BABAM2: variants seen among roughly 807,000 people sequenced by gnomAD.
BABAM2 encodes the protein BRISC and BRCA1 A complex member 2, also known as BRISC and BRCA1-A complex member 2.
A neutral mutation model predicts 54.7 loss-of-function variants in BABAM2; 31 were observed. The observed-to-expected ratio is 0.57, with a 90% CI of 0.43 to 0.77. BABAM2 has a LOEUF of 0.77. Among genes scored for constraint, BABAM2 ranks in the 30% least tolerant of loss-of-function variants. BABAM2 has a pLI of 0.00. For missense variants in BABAM2, 364 were observed against 455.8 expected (o/e 0.80, Z 1.83); for synonymous variants, 167 against 162.9 (o/e 1.03, Z -0.19).
At chr2:28,028,134 C>T (rs1202054157) in intron 5 of BABAM2, among the ~76,000 whole-genome samples, 3 of 151,926 alleles carry the variant, frequency 2.0e-5, no homozygotes, top group South Asian at 2.1e-4. Flanking sequence ...TAATAGTTGG[C>T]GTAGTTCAGT....
chr2:27,942,866 G>A (rs887808419), intron 3 of BABAM2, among the ~76,000 whole-genome samples: 1 of 151,508 alleles, frequency 6.6e-6, no homozygotes, highest in African/African-American at 2.4e-5. Flanking sequence ...AGCCTGGAGT[G>A]CATTATAGCT....
At chr2:27,974,264 G>T (rs1323301109) in intron 3 of BABAM2, among the ~76,000 whole-genome samples, 1 of 151,906 alleles carries the variant, frequency 6.6e-6, no homozygotes, top group African/African-American at 2.4e-5. Flanking sequence ...CAAACTATAG[G>T]CCAGTATCCC....
intron 4 of BABAM2, among the ~76,000 whole-genome samples, chr2:28,000,819 A>G (rs373182772): frequency 2.0e-5 from 3 of 152,302 alleles, no homozygotes; most frequent in South Asian, 4.1e-4. Flanking sequence ...AGCTTTGGCC[A>G]CTGGAAGTTC....
intron 7 of BABAM2, among the ~76,000 whole-genome samples, chr2:28,202,763 T>C (rs1420113804): frequency 6.6e-6 from 1 of 152,156 alleles, no homozygotes; most frequent in Non-Finnish European, 1.5e-5. Flanking sequence ...TTCTTTAGAC[T>C]TAAAAAGAGA....
intron 7 of BABAM2, among the ~76,000 whole-genome samples, chr2:28,181,165 A>C (rs2147882600): frequency 1.3e-5 from 2 of 152,300 alleles, no homozygotes; most frequent in East Asian, 3.9e-4. Context: ...GTACCCCCAT[A>C]TTTATGGCAG....
intron 3 of BABAM2, among the ~76,000 whole-genome samples, chr2:27,983,942 C>T (rs1347316614): frequency 1.9e-4 from 6 of 31,158 alleles, no homozygotes; most frequent in South Asian, 1.6e-3. Flanking sequence ...CATTTTGTAC[C>T]TTTTTTTTTT....
chr2:28,231,229 A>G (rs910084005), intron 7 of BABAM2, among the ~76,000 whole-genome samples: 1 of 152,168 alleles, frequency 6.6e-6, no homozygotes, highest in Non-Finnish European at 1.5e-5. Flanking sequence ...TGGGAGCTCA[A>G]TAAATAACAG....
At chr2:27,968,571 A>G (rs1447190959) in intron 3 of BABAM2, among the ~76,000 whole-genome samples, 1 of 152,198 alleles carries the variant, frequency 6.6e-6, no homozygotes, top group Non-Finnish European at 1.5e-5. Flanking sequence ...GAAGAGGGCT[A>G]CCATCCTCCA....
At chr2:28,104,632 G>A (rs1289487847) in intron 6 of BABAM2, among the ~76,000 whole-genome samples, 7 of 152,166 alleles carry the variant, frequency 4.6e-5, no homozygotes, top group South Asian at 2.1e-4. Flanking sequence ...ACAGTGTGGC[G>A]ATTCCTTAGG....
intron 10 of BABAM2, among the ~76,000 whole-genome samples, chr2:28,276,392 C>G (rs1266884993): frequency 1.3e-5 from 2 of 152,052 alleles, no homozygotes; most frequent in Non-Finnish European, 2.9e-5. Context: ...GAATTCAATT[C>G]TGATACACTT....
In BABAM2 at chr2:28,323,943, C is replaced by T. The variant is rs192092787; in HGVS notation, c.1089-14507C>T. Among the ~76,000 whole-genome samples, 524 of 152,318 alleles carry T rather than the reference C, an allele frequency of 3.4e-3. 1 individual carries two copies. The highest frequency in any genetic ancestry group is 5.6e-3 in the Non-Finnish European group (378 of 68,032). On this transcript the variant is annotated intron_variant, in intron 11 of 11. Transcript: ENST00000379624. ...AGCACTTCCAAGAACCACATGGGCC[C>T]GTGAGAGGGAGGTCAAGGTCATCCC...
intron 11 of BABAM2, chr2:28,327,392 C>A: frequency 6.2e-7 from 1 of 1,613,172 alleles, no homozygotes; most frequent in Non-Finnish European, 8.5e-7. Context: ...CTCCAGAGGG[C>A]CTCCTTGGAG....
Position 27,923,546 on chromosome 2 carries a change from T to C in BABAM2, c.129-6286T>C, listed in dbSNP as rs377057166. Among the ~76,000 whole-genome samples, 7 of 152,104 alleles carry C rather than the reference T, an allele frequency of 4.6e-5. No homozygotes were observed. In the East Asian group the frequency reaches 9.7e-4, roughly 21 times the overall value. ...GGTGGGAGGATTCCTTGAGCCCAGA[T>C]GTTCAAGGCTGCAGTGAGTTATAAT... On this transcript the variant is annotated intron_variant, in intron 2 of 11. Coordinates refer to ENST00000379624, the MANE Select transcript of BABAM2 (RefSeq NM_199191.3).
At chr2:28,160,916 C>G (rs557403914) in intron 7 of BABAM2, among the ~76,000 whole-genome samples, 75 of 152,096 alleles carry the variant, frequency 4.9e-4, no homozygotes, top group Non-Finnish European at 1.6e-4. Context: ...AAGATTTCTA[C>G]TATCTATGCT....
At chr2:27,905,182 A>G (rs1666100376) in intron 2 of BABAM2, among the ~76,000 whole-genome samples, 1 of 152,254 alleles carries the variant, frequency 6.6e-6, no homozygotes, top group South Asian at 2.1e-4. Flanking sequence ...GAGAAAAGAA[A>G]AATAGCCAGG....
intron 7 of BABAM2, among the ~76,000 whole-genome samples, chr2:28,231,251 A>G (rs1681356739): frequency 6.6e-6 from 1 of 152,140 alleles, no homozygotes. Context: ...GAGTTGTTTC[A>G]TGGTAATGGC....
intron 7 of BABAM2, among the ~76,000 whole-genome samples, chr2:28,185,738 T>G (rs974165625): frequency 9.2e-5 from 14 of 151,834 alleles, no homozygotes; most frequent in African/African-American, 2.9e-4. Context: ...TTTTTTTTGC[T>G]CTTTTTTTTT....
chr2:28,287,653 G>C (rs1024079376), intron 10 of BABAM2, among the ~76,000 whole-genome samples: 2 of 152,188 alleles, frequency 1.3e-5, no homozygotes, highest in African/African-American at 4.8e-5. Context: ...TGCAAGGAAG[G>C]CTTCCTGGAA....
chr2:28,103,905 G>C (rs72814448), intron 6 of BABAM2, among the ~76,000 whole-genome samples: 45 of 152,236 alleles, frequency 3.0e-4, no homozygotes, highest in Non-Finnish European at 5.3e-4. Flanking sequence ...AGATCGTACT[G>C]TTTATCTTTA....
Sources: gnomAD v4.1 joint callset for allele counts (sites outside exome capture counted in the v4.1 genomes callset) on GRCh38, gnomAD v4.1.1 for gene constraint, MANE v1.5 for transcripts, NCBI Gene and HGNC (gene_info 2026-07-23, HGNC 2026-07-21) for gene names.